The following FALEC variants were observed in gnomAD, a reference collection of about 807,000 sequenced individuals.
FALEC encodes the protein focally amplified lncRNA regulator of ECM1, also known as focally amplified lncRNA on chromosome 1.
the FALEC span, among the ~76,000 whole-genome samples, chr1:150,526,210 C>T: frequency 6.6e-6 from 1 of 151,872 alleles, no homozygotes; most frequent in Non-Finnish European, 1.5e-5. Flanking sequence ...ATCAGCTGGG[C>T]GCGGTAGCGG....
At chr1:150,536,045 A>C in the FALEC span, among the ~76,000 whole-genome samples, 1 of 152,246 alleles carries the variant, frequency 6.6e-6, no homozygotes, top group Admixed American at 6.5e-5. Context: ...AGTTAATAAC[A>C]TAAGGACGCA....
At chr1:150,534,843 A>G in the FALEC span, among the ~76,000 whole-genome samples, 2 of 147,786 alleles carry the variant, frequency 1.4e-5, no homozygotes, top group Admixed American at 1.3e-4. Flanking sequence ...TCTGTCTCAA[A>G]AAAAAAAAAA....
chr1:150,533,434 T>A, the FALEC span, among the ~76,000 whole-genome samples: 2 of 143,504 alleles, frequency 1.4e-5, no homozygotes, highest in African/African-American at 5.2e-5. Context: ...CCAGAGCTTT[T>A]TTTTTTTTTT....
chr1:150,522,857 A>C (rs1420807817), downstream of FALEC, among the ~76,000 whole-genome samples: 20 of 90,870 alleles, frequency 2.2e-4, no homozygotes, highest in East Asian at 4.0e-3. Context: ...CTCTCTATAT[A>C]TATATATACG....
At chr1:150,535,006 G>A in the FALEC span, among the ~76,000 whole-genome samples, 11 of 152,112 alleles carry the variant, frequency 7.2e-5, no homozygotes, top group East Asian at 3.8e-4. Flanking sequence ...CTGGGTCCAC[G>A]AGCCGGGGAA....
At chr1:150,535,307 A>G in the FALEC span, among the ~76,000 whole-genome samples, 1 of 151,948 alleles carries the variant, frequency 6.6e-6, no homozygotes, top group Non-Finnish European at 1.5e-5. Flanking sequence ...GCGGTGGCGC[A>G]ATCTCAGCTC....
the FALEC span, among the ~76,000 whole-genome samples, chr1:150,525,901 C>T: frequency 1.3e-5 from 2 of 152,168 alleles, no homozygotes; most frequent in Admixed American, 1.3e-4. Context: ...TTCGGCCTCC[C>T]AAAGTGCTGA....
At chr1:150,518,140 C>A (rs1273793050), downstream of FALEC, 1 of 152,106 alleles carries the variant, frequency 6.6e-6, no homozygotes, top group Non-Finnish European at 1.5e-5. Context: ...TGGTTGTTTA[C>A]TGTACAATCT....
downstream of FALEC, among the ~76,000 whole-genome samples, chr1:150,518,597 A>G (rs1349177160): frequency 1.3e-5 from 2 of 151,542 alleles, no homozygotes; most frequent in African/African-American, 4.8e-5. Flanking sequence ...CATGTCGTTC[A>G]GGCTAGTCCC....
At chr1:150,528,255 A>T in the FALEC span, among the ~76,000 whole-genome samples, 1 of 152,200 alleles carries the variant, frequency 6.6e-6, no homozygotes, top group South Asian at 2.1e-4. Flanking sequence ...TTCTGTGGCA[A>T]CATCTTATAA....
chr1:150,522,945 GTGTGTATATATA>G (rs1176775152), downstream of FALEC, among the ~76,000 whole-genome samples: 52 of 8,682 alleles, frequency 6.0e-3, 3 homozygotes, highest in African/African-American at 0.021. Flanking sequence ...GTGTGTGTGT[GTGTGTATATATA>G]TATATATATA....
At chr1:150,536,721 C>T in the FALEC span, among the ~76,000 whole-genome samples, 8 of 152,046 alleles carry the variant, frequency 5.3e-5, no homozygotes, top group Non-Finnish European at 1.2e-4. Flanking sequence ...CCTGGGAGGT[C>T]GAGGCTGCAG....
At chr1:150,529,016 C>CAAAAAAAAAAAAGAAAAAAA in the FALEC span, among the ~76,000 whole-genome samples, 1 of 59,290 alleles carries the variant, frequency 1.7e-5, no homozygotes, top group African/African-American at 7.7e-5. Flanking sequence ...AAATAAATAG[C>CAAAAAAAAAAAAGAAAAAAA]AAAAAAAAAA....
the FALEC span, among the ~76,000 whole-genome samples, chr1:150,533,257 G>A: frequency 2.0e-5 from 3 of 152,178 alleles, no homozygotes; most frequent in Non-Finnish European, 4.4e-5. Flanking sequence ...GAGGGCACCC[G>A]TGGGTGTTGA....
the FALEC span, among the ~76,000 whole-genome samples, chr1:150,526,598 C>T: frequency 2.0e-5 from 3 of 151,498 alleles, no homozygotes; most frequent in East Asian, 5.8e-4. Flanking sequence ...CCACCATGCT[C>T]AGCTAATTTT....
chr1:150,532,369 G>A, the FALEC span, among the ~76,000 whole-genome samples: 3 of 152,192 alleles, frequency 2.0e-5, no homozygotes, highest in Non-Finnish European at 4.4e-5. Context: ...TGGAAACACT[G>A]ATCAGACCTT....
At chr1:150,516,848 T>G (rs1670575842) in intron 1 of FALEC, among the ~76,000 whole-genome samples, 1 of 152,206 alleles carries the variant, frequency 6.6e-6, no homozygotes, top group Admixed American at 6.5e-5. Flanking sequence ...ACTCTGGCTA[T>G]AACGAAGACT....
chr1:150,523,951 G>C, the FALEC span, among the ~76,000 whole-genome samples: 3 of 152,138 alleles, frequency 2.0e-5, no homozygotes, highest in Non-Finnish European at 2.9e-5. Flanking sequence ...AGAGATCAAG[G>C]TGATTGATGT....
At chr1:150,521,237 G>A (rs1325226981), downstream of FALEC, among the ~76,000 whole-genome samples, 1 of 152,176 alleles carries the variant, frequency 6.6e-6, no homozygotes, top group African/African-American at 2.4e-5. Flanking sequence ...ATGAATTTCT[G>A]TCAGGTATAC....
Sources: gnomAD v4.1 joint callset for allele counts (sites outside exome capture counted in the v4.1 genomes callset) on GRCh38, gnomAD v4.1.1 for gene constraint, MANE v1.5 for transcripts, NCBI Gene and HGNC (gene_info 2026-07-23, HGNC 2026-07-21) for gene names.